The following GRIA2 variants were observed in gnomAD, a reference collection of about 807,000 sequenced individuals.
GRIA2 encodes glutamate receptor 2.
GRIA2 carries 14 observed loss-of-function variants against 97.3 expected under a neutral mutation model. The ratio of observed to expected loss-of-function variants is 0.14; its 90% confidence interval spans 0.10 to 0.23. GRIA2 has a LOEUF of 0.23. Ranked by LOEUF, GRIA2 falls within the 10% of genes least tolerant of loss-of-function variation. The pLI, the probability that GRIA2 is intolerant of heterozygous loss-of-function variation, is 1.00. For synonymous variants in GRIA2, 412 were observed against 387.8 expected (o/e 1.06, Z -0.73); for missense variants, 558 against 1,069.8 (o/e 0.52, Z 6.67).
At chr4:157,254,452 C>A (rs1731152781) in intron 2 of GRIA2, among the ~76,000 whole-genome samples, 1 of 152,022 alleles carries the variant, frequency 6.6e-6, no homozygotes, top group Admixed American at 6.6e-5. Context: ...GTTTCTGCTT[C>A]ATGTAACTGA....
At chr4:157,240,343 G>C (rs889083257) in intron 2 of GRIA2, among the ~76,000 whole-genome samples, 1 of 151,972 alleles carries the variant, frequency 6.6e-6, no homozygotes, top group South Asian at 2.1e-4. Flanking sequence ...TATCAATTAT[G>C]TTCTAATTTG....
intron 2 of GRIA2, among the ~76,000 whole-genome samples, chr4:157,246,250 T>C (rs1223126769): frequency 1.3e-5 from 2 of 152,252 alleles, no homozygotes; most frequent in African/African-American, 2.4e-5. Context: ...TATCTGATAT[T>C]GGACAGGCTA....
At chr4:157,232,427 G>C (rs1342399902) in intron 2 of GRIA2, among the ~76,000 whole-genome samples, 1 of 152,166 alleles carries the variant, frequency 6.6e-6, no homozygotes, top group Non-Finnish European at 1.5e-5. Flanking sequence ...CTGTTTGTGA[G>C]AAATTGAAGA....
intron 2 of GRIA2, among the ~76,000 whole-genome samples, chr4:157,291,183 T>C (rs552744594): frequency 1.1e-3 from 168 of 152,048 alleles, no homozygotes; most frequent in African/African-American, 3.7e-3. Context: ...GCTATTAGAA[T>C]TCTAATTTCC....
intron 2 of GRIA2, among the ~76,000 whole-genome samples, chr4:157,259,038 A>G (rs1229395923): frequency 2.0e-5 from 3 of 152,018 alleles, no homozygotes; most frequent in Non-Finnish European, 1.5e-5. Flanking sequence ...CCTGGGTAAT[A>G]TGGCAAGAAA....
At chr4:157,340,395 T>C (rs1266823718) in intron 11 of GRIA2, among the ~76,000 whole-genome samples, 2 of 151,966 alleles carry the variant, frequency 1.3e-5, no homozygotes, top group Non-Finnish European at 2.9e-5. Context: ...TTTCTATATC[T>C]CTATACCTGT....
chr4:157,240,955 CG>C (rs1730483023), intron 2 of GRIA2, among the ~76,000 whole-genome samples: 1 of 150,814 alleles, frequency 6.6e-6, no homozygotes, highest in African/African-American at 2.4e-5. Flanking sequence ...TGAGAATATG[CG>C]GTGTTTGGTT....
chr4:157,270,973 AGTTT>A (rs1731997714), intron 2 of GRIA2, among the ~76,000 whole-genome samples: 2 of 150,488 alleles, frequency 1.3e-5, no homozygotes, highest in South Asian at 2.1e-4. Flanking sequence ...TATTTCTATG[AGTTT>A]GTTTAAATCT....
chr4:157,347,568 G>A (rs1275868276), intron 12 of GRIA2, among the ~76,000 whole-genome samples: 1 of 152,150 alleles, frequency 6.6e-6, no homozygotes, highest in Non-Finnish European at 1.5e-5. Context: ...AAATGCTTCA[G>A]AGAGAATATT....
chr4:157,253,270 C>T (rs1731094310), intron 2 of GRIA2, among the ~76,000 whole-genome samples: 1 of 151,950 alleles, frequency 6.6e-6, no homozygotes, highest in Non-Finnish European at 1.5e-5. Flanking sequence ...GCACACACCA[C>T]CACACCTAGC....
At chr4:157,355,157 TC>T (rs746269829) in intron 12 of GRIA2, among the ~76,000 whole-genome samples, 8 of 152,172 alleles carry the variant, frequency 5.3e-5, no homozygotes, top group Non-Finnish European at 1.2e-4. Flanking sequence ...CTCAATGTCA[TC>T]CTGAATTATT....
chr4:157,220,280 G>A (rs1260998225), upstream of GRIA2: 1 of 152,242 alleles, frequency 6.6e-6, no homozygotes, highest in Non-Finnish European at 1.5e-5. Flanking sequence ...TTAGCAATTC[G>A]GCTTCTACAC....
Position 157,363,720 on chromosome 4 carries a change from G to T in GRIA2, c.*289G>T. On this transcript the variant is annotated 3_prime_UTR_variant, in exon 16 of 16. Transcript: ENST00000264426. ...TCAGCCAAGAATTCTTAAATATGTG[G>T]AGTTCATCTTGAATTGTAAGGAATG... 4.5e-6 allele frequency: 2 copies of T among 440,170 alleles called. No individual in the cohort carries two copies. The highest frequency in any genetic ancestry group is 7.6e-6 in the Non-Finnish European group (2 of 263,410). The allele number at this position is 440,170 out of a possible 1,614,324, so 27.3% of individuals were successfully genotyped here.
At chr4:157,240,921 C>T (rs1172635342) in intron 2 of GRIA2, among the ~76,000 whole-genome samples, 3 of 151,396 alleles carry the variant, frequency 2.0e-5, no homozygotes, top group Admixed American at 1.3e-4. Flanking sequence ...CATGTGATCT[C>T]ATTGTTCAGT....
Position 157,303,567 on chromosome 4 carries a change from C to T in GRIA2, c.245C>T (p.Ser82Leu), listed in dbSNP as rs1733708130. The T allele has an allele frequency of 2.5e-6, 4 of 1,613,432 alleles. No individual in the cohort carries two copies. Among genetic ancestry groups the T allele is most frequent in the South Asian group, 1.1e-5 (1 of 91,072 alleles). ...ATTCTTCTAGTCTGCTCCCAGTTTT[C>T]GAGAGGAGTCTATGCTATTTTTGGA... ...AVTNAFCSQF[S>L]RGVYAIFGFY... The change falls in exon 3 of 16, where the codon TCG (serine) becomes TTG (leucine). Residue 82 changes from serine to leucine, a missense_variant. This residue lies in a region of GRIA2 where 96 missense variants were observed against 176.6 expected (regional missense o/e 0.54). Coordinates refer to ENST00000264426, the MANE Select transcript of GRIA2 (RefSeq NM_001083619.3).
At position 157,365,314 on chromosome 4, in the gene GRIA2, A is replaced by T. The variant is rs1736836777; in HGVS notation, c.*1883A>T. The T allele has an allele frequency of 6.6e-6, 1 of 152,016 alleles. No individual in the cohort carries two copies. Among genetic ancestry groups the T allele is most frequent in the Non-Finnish European group, 1.5e-5 (1 of 67,664 alleles). The allele number at this position is 152,016 out of a possible 1,614,324, so 9.4% of individuals were successfully genotyped here. On this transcript the variant is annotated 3_prime_UTR_variant, in exon 16 of 16. Transcript: ENST00000264426. ...TCCTCATCAGGAATGCTGGAGGTGCATTTTAAGTTTTAATAATAAGTGCTA... is the reference window on the plus strand; with the variant it reads ...TCCTCATCAGGAATGCTGGAGGTGCTTTTTAAGTTTTAATAATAAGTGCTA...
intron 2 of GRIA2, among the ~76,000 whole-genome samples, chr4:157,229,761 C>A (rs988247666): frequency 4.6e-5 from 7 of 151,986 alleles, no homozygotes; most frequent in Admixed American, 6.6e-5. Flanking sequence ...AAAATACTTT[C>A]AATAGGGTAT....
chr4:157,335,316 G>T (rs1000209669), intron 9 of GRIA2: 1 of 277,896 alleles, frequency 3.6e-6, no homozygotes, highest in South Asian at 4.0e-5. Context: ...AAGGATAAGG[G>T]TGTGGTGAAT....
chr4:157,362,993 A>C lies in GRIA2; in HGVS notation c.2601A>C (p.Ala867=). 3.7e-6 allele frequency: 6 copies of C among 1,613,402 alleles called. No individual in the cohort carries two copies. The South Asian group carries it at 5.5e-5, about 15-fold the overall frequency. The stretch of plus-strand genomic sequence containing the variant: ...CCTCGCAGAATTCACAGAATTTTGC[A>C]ACTTATAAGGAAGGTTACAACGTAT... ...PSSSQNSQNF[A]TYKEGYNVYG... The change falls in exon 15 of 16, where the codon GCA becomes GCC. Residue 867 remains alanine, a synonymous_variant. Transcript: ENST00000264426.
Sources: gnomAD v4.1 joint callset for allele counts (sites outside exome capture counted in the v4.1 genomes callset) on GRCh38, gnomAD v4.1.1 for gene constraint, gnomAD v4.1.1 regional missense constraint, MANE v1.5 for transcripts, NCBI Gene and HGNC (gene_info 2026-07-23, HGNC 2026-07-21) for gene names.